The following TBC1D5 variants were observed in gnomAD, a reference collection of about 807,000 sequenced individuals.
TBC1D5 encodes the protein TBC1 domain family, member 5.
A neutral mutation model predicts 100.3 loss-of-function variants in TBC1D5; 75 were observed. The ratio of observed to expected loss-of-function variants is 0.75; its 90% confidence interval spans 0.62 to 0.91. The LOEUF (loss-of-function observed/expected upper bound fraction) is 0.91. Among genes scored for constraint, TBC1D5 ranks in the 40% least tolerant of loss-of-function variants. The pLI, the probability that TBC1D5 is intolerant of heterozygous loss-of-function variation, is 0.00. For missense variants in TBC1D5, 910 were observed against 942.4 expected (o/e 0.97, Z 0.45); for synonymous variants, 323 against 325.6 (o/e 0.99, Z 0.09).
intron 3 of TBC1D5, among the ~76,000 whole-genome samples, chr3:17,484,956 G>T (rs1343557349): frequency 6.6e-6 from 1 of 152,084 alleles, no homozygotes; most frequent in Non-Finnish European, 1.5e-5. Context: ...TATATTCAAT[G>T]ACTTACTTTT....
chr3:17,250,661 G>C (rs147118246), intron 16 of TBC1D5, among the ~76,000 whole-genome samples: 1 of 152,152 alleles, frequency 6.6e-6, no homozygotes, highest in Non-Finnish European at 1.5e-5. Context: ...AATCCACGTG[G>C]CACCCTCACT....
intron 13 of TBC1D5, among the ~76,000 whole-genome samples, chr3:17,308,770 T>C (rs2083668246): frequency 2.0e-5 from 3 of 152,060 alleles, no homozygotes; most frequent in Admixed American, 2.0e-4. Flanking sequence ...TTTCGAGGAG[T>C]GTTTTTCAAA....
chr3:17,641,791 A>C (rs767767418), intron 1 of TBC1D5, among the ~76,000 whole-genome samples: 5 of 152,152 alleles, frequency 3.3e-5, no homozygotes, highest in African/African-American at 7.2e-5. Flanking sequence ...GCAAAAATGC[A>C]GTGCCTTACT....
At chr3:17,518,037 G>A (rs373056891) in intron 2 of TBC1D5, among the ~76,000 whole-genome samples, 1 of 152,118 alleles carries the variant, frequency 6.6e-6, no homozygotes, top group African/African-American at 2.4e-5. Flanking sequence ...TTCTTCATAA[G>A]ACAGCAGATG....
At chr3:17,554,913 G>A (rs1378853746) in intron 2 of TBC1D5, among the ~76,000 whole-genome samples, 6 of 151,168 alleles carry the variant, frequency 4.0e-5, no homozygotes, top group Non-Finnish European at 7.4e-5. Flanking sequence ...GCAGTGGCGC[G>A]ATCTTGGCTC....
At chr3:17,287,055 A>T (rs1447826072) in intron 15 of TBC1D5, among the ~76,000 whole-genome samples, 1 of 152,242 alleles carries the variant, frequency 6.6e-6, no homozygotes, top group Non-Finnish European at 1.5e-5. Flanking sequence ...ATATATAGCA[A>T]ATTAAGGAAC....
chr3:17,157,392 CGAACTTTATAT>C (rs2065675790), exon 22 of TBC1D5: 1 of 152,240 alleles, frequency 6.6e-6, no homozygotes, highest in Non-Finnish European at 1.5e-5. Context: ...CCTGTTTATA[CGAACTTTATAT>C]ATCTTTTTAA....
At chr3:17,207,066 C>T (rs2072295893) in intron 18 of TBC1D5, among the ~76,000 whole-genome samples, 1 of 152,136 alleles carries the variant, frequency 6.6e-6, no homozygotes, top group Non-Finnish European at 1.5e-5. Flanking sequence ...TCCCAAGTAG[C>T]TGGGACTACA....
chr3:17,461,396 C>A (rs1294986716), intron 3 of TBC1D5, among the ~76,000 whole-genome samples: 1 of 152,156 alleles, frequency 6.6e-6, no homozygotes, highest in Non-Finnish European at 1.5e-5. Context: ...TTCCATCATT[C>A]ACTAACTTCA....
intron 8 of TBC1D5, among the ~76,000 whole-genome samples, chr3:17,394,580 T>A (rs1452165819): frequency 4.3e-4 from 65 of 152,028 alleles, no homozygotes. Context: ...TCTAGGAGAA[T>A]AAAAACAGAC....
intron 17 of TBC1D5, among the ~76,000 whole-genome samples, chr3:17,215,104 C>A (rs938736668): frequency 1.3e-5 from 2 of 151,920 alleles, no homozygotes; most frequent in African/African-American, 2.4e-5. Context: ...AGAAGGGAAG[C>A]TATGGGATGT....
intron 3 of TBC1D5, among the ~76,000 whole-genome samples, chr3:17,485,619 G>A (rs2095555635): frequency 6.6e-6 from 1 of 151,670 alleles, no homozygotes; most frequent in African/African-American, 2.4e-5. Context: ...GCAATAGTTT[G>A]CTGAGAATGA....
At chr3:17,316,369 G>A (rs1334776539) in intron 13 of TBC1D5, among the ~76,000 whole-genome samples, 1 of 152,168 alleles carries the variant, frequency 6.6e-6, no homozygotes, top group Non-Finnish European at 1.5e-5. Context: ...TCAGTAGAGA[G>A]AAGTTGCAGA....
intron 1 of TBC1D5, among the ~76,000 whole-genome samples, chr3:17,728,864 AAG>A (rs1296693671): frequency 3.3e-5 from 5 of 151,934 alleles, no homozygotes; most frequent in Non-Finnish European, 7.4e-5. Flanking sequence ...CGTAAACAAA[AAG>A]AGTAATATAT....
intron 1 of TBC1D5, among the ~76,000 whole-genome samples, chr3:17,710,823 G>A (rs1281064603): frequency 1.3e-5 from 2 of 151,888 alleles, no homozygotes; most frequent in Non-Finnish European, 2.9e-5. Flanking sequence ...TCGGCCTCCT[G>A]AGTAGCTAGG....
chr3:17,207,562 A>G (rs2072374425), intron 18 of TBC1D5, among the ~76,000 whole-genome samples: 1 of 152,224 alleles, frequency 6.6e-6, no homozygotes, highest in African/African-American at 2.4e-5. Flanking sequence ...ACTAAGCTGA[A>G]TCTTGCCCTC....
intron 16 of TBC1D5, among the ~76,000 whole-genome samples, chr3:17,254,867 G>C (rs1017935780): frequency 1.3e-5 from 2 of 151,992 alleles, no homozygotes; most frequent in Non-Finnish European, 2.9e-5. Context: ...AAAAAGGTTG[G>C]AGTCAAAGAG....
Position 17,395,735 on chromosome 3 carries a change from C to T in TBC1D5, c.509+7446G>A, listed in dbSNP as rs1029378923. Among the ~76,000 whole-genome samples the T allele has an allele frequency of 7.9e-5, 12 of 152,128 alleles. 1 individual carries two copies. Among genetic ancestry groups the T allele is most frequent in the South Asian group, 6.2e-4 (3 of 4,822 alleles). ...GCTATGTACTACTGCTCCTAAATTC[C>T]GAAGATTAGGAGCACCAGGGTGCTA... On this transcript the variant is annotated intron_variant, in intron 8 of 21. Transcript: ENST00000253692.
At chr3:17,349,993 A>G (rs1204805360) in intron 13 of TBC1D5, among the ~76,000 whole-genome samples, 2 of 152,192 alleles carry the variant, frequency 1.3e-5, no homozygotes, top group Non-Finnish European at 2.9e-5. Context: ...ATTATATTTT[A>G]TTGTTGCCCG....
Sources: allele counts gnomAD v4.1 joint callset (sites outside exome capture counted in the v4.1 genomes callset), GRCh38; gene constraint gnomAD v4.1.1; transcripts MANE v1.5; gene names NCBI Gene and HGNC (gene_info 2026-07-23, HGNC 2026-07-21).